Variants in ARFGEF3 observed in about 807,000 individuals in gnomAD.
The protein encoded by ARFGEF3 is ARFGEF family member 3.
Under a neutral mutation model 221.7 loss-of-function variants are expected in ARFGEF3, and 96 were observed. The observed-to-expected ratio is 0.43, with a 90% CI of 0.37 to 0.51. The LOEUF (loss-of-function observed/expected upper bound fraction) is 0.51, where lower values mean the gene tolerates loss of function less well. Ranked by LOEUF, ARFGEF3 falls within the 20% of genes least tolerant of loss-of-function variation. ARFGEF3 has a pLI of 0.00. For missense variants in ARFGEF3, 2,410 were observed against 2,789.9 expected, an observed-to-expected ratio of 0.86 and a Z score of 3.07; for synonymous variants, 1,145 against 1,126.8, an observed-to-expected ratio of 1.02 and a Z score of -0.32.
intron 2 of ARFGEF3, among the ~76,000 whole-genome samples, chr6:138,171,211 G>A (rs1243567270): frequency 6.6e-6 from 1 of 151,686 alleles, no homozygotes; most frequent in East Asian, 1.9e-4. Flanking sequence ...GCACCCATGA[G>A]CTGGGATATT....
intron 19 of ARFGEF3, 98 bp downstream of exon 19, chr6:138,292,151 G>A (rs373048978): frequency 3.0e-6 from 3 of 1,016,742 alleles, no homozygotes; most frequent in African/African-American, 3.4e-5. Flanking sequence ...CCATTTGTTA[G>A]CCAATCACTT....
At chr6:138,171,429 G>A (rs1001949857) in intron 2 of ARFGEF3, among the ~76,000 whole-genome samples, 6 of 152,180 alleles carry the variant, frequency 3.9e-5, no homozygotes, top group African/African-American at 1.4e-4. Flanking sequence ...ACTAGGTAGT[G>A]TGGATTTAAG....
intron 17 of ARFGEF3, 99 bp from the exon 18 acceptor site, chr6:138,289,719 C>T: frequency 1.5e-6 from 2 of 1,315,166 alleles, no homozygotes; most frequent in East Asian, 2.5e-5. Flanking sequence ...GAAGTCTGTC[C>T]TTTCCCTTTT....
chr6:138,163,651 A>T (rs1197027645), intron 1 of ARFGEF3, among the ~76,000 whole-genome samples: 2 of 152,168 alleles, frequency 1.3e-5, no homozygotes, highest in Non-Finnish European at 2.9e-5. Flanking sequence ...ACATCTTATT[A>T]AGTGAAACCA....
At chr6:138,270,159 C>T (rs1778976947) in intron 12 of ARFGEF3, among the ~76,000 whole-genome samples, 1 of 152,124 alleles carries the variant, frequency 6.6e-6, no homozygotes, top group Non-Finnish European at 1.5e-5. Context: ...TCCTAGGAGA[C>T]AGGGCACATT....
In ARFGEF3 at chr6:138,297,049, C is replaced by T. The variant is rs144793799; in HGVS notation, c.3648+94C>T. ...CCTGCAGTCATGTATGGGGGCAAAGCACTGTGGCCATTGGGCAGTGGGAAC... is the reference window on the plus strand; with the variant it reads ...CCTGCAGTCATGTATGGGGGCAAAGTACTGTGGCCATTGGGCAGTGGGAAC... On this transcript the variant is annotated intron_variant, in intron 21 of 33. Coordinates refer to ENST00000251691, the MANE Select transcript of ARFGEF3 (RefSeq NM_020340.5). 3.1e-4 allele frequency: 428 copies of T among 1,400,542 alleles called. 2 individuals are homozygous for T. In the East Asian group the frequency reaches 9.5e-3, roughly 31 times the overall value. 86.8% of individuals were successfully genotyped at this position (1,400,542 alleles called of 1,614,324 possible).
intron 8 of ARFGEF3, among the ~76,000 whole-genome samples, chr6:138,247,173 A>G (rs181088748): frequency 2.0e-5 from 3 of 152,248 alleles, no homozygotes; most frequent in Admixed American, 2.0e-4. Context: ...TGAGTCCTAC[A>G]GCAGATGGAT....
Position 138,304,918 on chromosome 6 carries a change from G to A in ARFGEF3, c.3829-2335G>A, listed in dbSNP as rs184797405. Among the ~76,000 whole-genome samples the A allele has an allele frequency of 1.4e-4, 21 of 152,244 alleles. No individual in the cohort carries two copies. The East Asian group carries it at 3.7e-3, about 27-fold the overall frequency. ...CAAAGCTGTCAATGTGGATTGGTTA[G>A]ACCAATAATCTCTGCTTGATCCTTA... On this transcript the variant is annotated intron_variant, in intron 22 of 33. Transcript: ENST00000251691.
In ARFGEF3 at chr6:138,286,828, C is replaced by T; in HGVS notation, c.2697C>T (p.Gly899=). 6.2e-7 allele frequency: 1 copy of T among 1,614,054 alleles called. No individual in the cohort carries two copies. Among genetic ancestry groups the T allele is most frequent in the African/African-American group, 1.3e-5 (1 of 75,064 alleles). ...KGLAFILGAE[G]IKEQNQKERD... The stretch of plus-strand genomic sequence containing the variant: ...TGGCCTTCATTCTGGGAGCTGAAGG[C>T]ATCAAAGAGCAGAACCAGAAGGAGC... Residue 899 remains glycine, a synonymous_variant, in exon 16 of 34, where the codon GGC becomes GGT. Transcript: ENST00000251691.
intron 2 of ARFGEF3, among the ~76,000 whole-genome samples, chr6:138,188,755 G>C (rs34041859): frequency 0.012 from 1,875 of 152,320 alleles, 22 homozygotes; most frequent in Middle Eastern, 0.034. Context: ...CCAGACCTGA[G>C]GCTACTTGTT....
At chr6:138,240,063 A>G (rs1178287070) in intron 6 of ARFGEF3, among the ~76,000 whole-genome samples, 3 of 152,176 alleles carry the variant, frequency 2.0e-5, no homozygotes, top group African/African-American at 7.2e-5. Flanking sequence ...GCTGTATCCA[A>G]AGCCCCAGTT....
At position 138,229,773 on chromosome 6, in the gene ARFGEF3, C is replaced by T. The variant is rs758920900; in HGVS notation, c.352-11C>T. The stretch of plus-strand genomic sequence containing the variant: ...CCCTTGTCTCTTCTTTCATCTCTCA[C>T]CTTGTTAAAGGTTTTACTATGCATC... On this transcript the variant is annotated splice_polypyrimidine_tract_variant and intron_variant, in intron 4 of 33. Transcript: ENST00000251691. The T allele has an allele frequency of 8.1e-6, 13 of 1,610,024 alleles. No individual in the cohort carries two copies. The East Asian group carries it at 2.5e-4, about 30-fold the overall frequency.
Position 138,207,112 on chromosome 6 carries a change from G to A in ARFGEF3, c.208G>A (p.Ala70Thr), listed in dbSNP as rs917386283. Residue 70 changes from alanine (A) to threonine (T), a missense_variant, in exon 3 of 34, where the codon GCA becomes ACA. This residue lies in a region of ARFGEF3 where 570 missense variants were observed against 586.9 expected (regional missense o/e 0.97). Transcript: ENST00000251691. ...KNVKLAQHALAGMQKLLSEER... is the reference protein window; with the variant it reads ...KNVKLAQHALTGMQKLLSEER... ...TGTGAAGCTGGCCCAACATGCTTTG[G>A]CAGGGATGCAGGTATGGCTTTGACT... The A allele has an allele frequency of 6.2e-7, 1 of 1,610,342 alleles. No individual in the cohort carries two copies.
intron 2 of ARFGEF3, among the ~76,000 whole-genome samples, chr6:138,177,886 C>A (rs994882455): frequency 6.6e-6 from 1 of 151,732 alleles, no homozygotes; most frequent in Non-Finnish European, 1.5e-5. Context: ...TCCTTATATT[C>A]GTTTTCAGAT....
At chr6:138,327,432 G>C (rs1422138413) in intron 31 of ARFGEF3, among the ~76,000 whole-genome samples, 8 of 152,148 alleles carry the variant, frequency 5.3e-5, no homozygotes, top group Non-Finnish European at 1.0e-4. Flanking sequence ...CTGGACAACA[G>C]AGTGAGACCC....
At chr6:138,236,655 T>C (rs1379259004) in intron 5 of ARFGEF3, among the ~76,000 whole-genome samples, 1 of 152,128 alleles carries the variant, frequency 6.6e-6, no homozygotes, top group Non-Finnish European at 1.5e-5. Flanking sequence ...TTTGTAGAGA[T>C]GGGGTTTTGC....
At chr6:138,293,772 A>G (rs976450313) in intron 19 of ARFGEF3, among the ~76,000 whole-genome samples, 4 of 152,264 alleles carry the variant, frequency 2.6e-5, no homozygotes, top group Admixed American at 1.3e-4. Context: ...ATGAGGGCAC[A>G]AAGATATTTT....
At chr6:138,278,746 C>A in intron 13 of ARFGEF3, 129 bp downstream of exon 13, 2 of 914,758 alleles carry the variant, frequency 2.2e-6, no homozygotes, top group Non-Finnish European at 3.3e-6. Flanking sequence ...GTTGGTAATG[C>A]CAGTGGGACT....
At chr6:138,329,389 G>T (rs1280981142) in intron 32 of ARFGEF3, among the ~76,000 whole-genome samples, 1 of 152,112 alleles carries the variant, frequency 6.6e-6, no homozygotes, top group Non-Finnish European at 1.5e-5. Context: ...TCTGGGCTGG[G>T]CGCAATGGCT....
Sources: allele counts gnomAD v4.1 joint callset (sites outside exome capture counted in the v4.1 genomes callset), GRCh38; gene constraint gnomAD v4.1.1; regional missense constraint gnomAD v4.1.1; transcripts MANE v1.5; gene names NCBI Gene and HGNC (gene_info 2026-07-23, HGNC 2026-07-21).